Variants in STARD13 observed in about 807,000 individuals in gnomAD.
STARD13 encodes the protein stAR-related lipid transfer protein 13.
A neutral mutation model predicts 106.4 loss-of-function variants in STARD13; 62 were observed. That is an observed-to-expected ratio of 0.58 (90% CI 0.48 to 0.72). The LOEUF (loss-of-function observed/expected upper bound fraction) is 0.72. Ranked by LOEUF, STARD13 falls within the 30% of genes least tolerant of loss-of-function variation. STARD13 has a pLI of 0.00. For synonymous variants in STARD13, 565 were observed against 553.0 expected, an observed-to-expected ratio of 1.02 and a Z score of -0.31; for missense variants, 1,387 against 1,424.0, an observed-to-expected ratio of 0.97 and a Z score of 0.42.
chr13:33,608,773 T>C, the STARD13 span, among the ~76,000 whole-genome samples: 5 of 152,044 alleles, frequency 3.3e-5, no homozygotes, highest in Admixed American at 2.0e-4. Flanking sequence ...GAAATCTTCA[T>C]AGAACTAAAA....
the STARD13 span, among the ~76,000 whole-genome samples, chr13:33,555,623 A>G: frequency 6.6e-6 from 1 of 152,172 alleles, no homozygotes; most frequent in Non-Finnish European, 1.5e-5. Flanking sequence ...TTTTGAGAGA[A>G]TGGATGGTGA....
chr13:33,649,520 A>G, the STARD13 span, among the ~76,000 whole-genome samples: 1 of 152,204 alleles, frequency 6.6e-6, no homozygotes, highest in Admixed American at 6.5e-5. Flanking sequence ...TTCTCTGGCT[A>G]TACCGAATAT....
intron 3 of STARD13, among the ~76,000 whole-genome samples, chr13:33,153,787 G>A (rs1356195261): frequency 6.6e-6 from 1 of 152,182 alleles, no homozygotes; most frequent in Admixed American, 6.5e-5. Flanking sequence ...TAACAACCAG[G>A]GGCATGATGA....
chr13:33,330,716 G>A (rs990946669), intron 1 of STARD13, among the ~76,000 whole-genome samples: 1 of 152,196 alleles, frequency 6.6e-6, no homozygotes, highest in African/African-American at 2.4e-5. Flanking sequence ...CAAAGTGTCT[G>A]TAATCACCAC....
At chr13:33,568,921 C>T in the STARD13 span, among the ~76,000 whole-genome samples, 2 of 147,860 alleles carry the variant, frequency 1.4e-5, no homozygotes, top group East Asian at 4.0e-4. Flanking sequence ...TTGAGTTCTC[C>T]TATAGAAAAC....
At chr13:33,425,334 T>C in the STARD13 span, among the ~76,000 whole-genome samples, 11 of 152,092 alleles carry the variant, frequency 7.2e-5, no homozygotes, top group African/African-American at 2.4e-4. Context: ...AGGCACCACA[T>C]AGTTGACGGA....
intron 3 of STARD13, 52 bp downstream of exon 3, chr13:33,165,285 C>G (rs1344450607): frequency 7.5e-7 from 1 of 1,336,456 alleles, no homozygotes; most frequent in Non-Finnish European, 1.1e-6. Flanking sequence ...TATAGTGATG[C>G]CTGTTGCAGA....
At chr13:33,345,737 C>T (rs1321827921), downstream of STARD13, among the ~76,000 whole-genome samples, 1 of 152,074 alleles carries the variant, frequency 6.6e-6, no homozygotes, top group Non-Finnish European at 1.5e-5. Context: ...CATATTTTTG[C>T]AATGAAGTGA....
intron 1 of STARD13, among the ~76,000 whole-genome samples, chr13:33,254,903 G>A (rs748331744): frequency 1.3e-5 from 2 of 152,174 alleles, no homozygotes; most frequent in Non-Finnish European, 2.9e-5. Flanking sequence ...TTAAGTCTGT[G>A]TGTGACTTGA....
At chr13:33,622,757 T>C in the STARD13 span, among the ~76,000 whole-genome samples, 1 of 142,270 alleles carries the variant, frequency 7.0e-6, no homozygotes, top group Non-Finnish European at 1.5e-5. Flanking sequence ...CCATCTCTAC[T>C]AAAAATACAA....
the STARD13 span, among the ~76,000 whole-genome samples, chr13:33,400,455 T>C: frequency 1.3e-5 from 2 of 151,450 alleles, no homozygotes; most frequent in Non-Finnish European, 1.5e-5. Context: ...CAGATATCAC[T>C]TCAATGGCTA....
chr13:33,449,548 G>C, the STARD13 span, among the ~76,000 whole-genome samples: 5 of 151,960 alleles, frequency 3.3e-5, no homozygotes, highest in African/African-American at 7.2e-5. Context: ...ATGTCACCAG[G>C]TTTATTCTTT....
the STARD13 span, among the ~76,000 whole-genome samples, chr13:33,360,726 A>ATTCCTTCTGT: frequency 7.4e-6 from 1 of 134,638 alleles, no homozygotes; most frequent in African/African-American, 2.7e-5. Flanking sequence ...AGACAGAAGG[A>ATTCCTTCTGT]CATATTGTTG....
chr13:33,333,932 G>A (rs1484387136), intron 1 of STARD13: 1 of 152,170 alleles, frequency 6.6e-6, no homozygotes, highest in African/African-American at 2.4e-5. Context: ...TCACTAAGGA[G>A]ATAGGTGACC....
chr13:33,233,115 G>T (rs1030973709), intron 1 of STARD13, among the ~76,000 whole-genome samples: 12 of 152,202 alleles, frequency 7.9e-5, no homozygotes, highest in African/African-American at 2.9e-4. Context: ...AGCAGATAGG[G>T]GCAGGTACTG....
upstream of STARD13, among the ~76,000 whole-genome samples, chr13:33,288,004 C>T (rs1283086043): frequency 6.6e-6 from 1 of 152,082 alleles, no homozygotes; most frequent in African/African-American, 2.4e-5. Context: ...GCCAACCTTG[C>T]AGTTCATTGC....
chr13:33,523,446 T>C, the STARD13 span, among the ~76,000 whole-genome samples: 2 of 152,168 alleles, frequency 1.3e-5, no homozygotes, highest in Non-Finnish European at 2.9e-5. Context: ...AAAATTATTA[T>C]TACCTTTTTA....
intron 3 of STARD13, among the ~76,000 whole-genome samples, chr13:33,150,608 C>T (rs898048892): frequency 3.9e-5 from 6 of 152,170 alleles, no homozygotes; most frequent in African/African-American, 1.4e-4. Flanking sequence ...TGTTTCCATA[C>T]CCTCTCTACT....
intron 1 of STARD13, among the ~76,000 whole-genome samples, chr13:33,293,353 AAAT>A (rs1479129251): frequency 6.6e-6 from 1 of 152,204 alleles, no homozygotes; most frequent in East Asian, 1.9e-4. Context: ...TTGATTGAAT[AAAT>A]AATTGAATAA....
Sources: allele counts gnomAD v4.1 joint callset (sites outside exome capture counted in the v4.1 genomes callset), GRCh38; gene constraint gnomAD v4.1.1; transcripts MANE v1.5; gene names NCBI Gene and HGNC (gene_info 2026-07-23, HGNC 2026-07-21).